The following RALGPS2 variants were observed in gnomAD, a reference collection of about 807,000 sequenced individuals.
RALGPS2 encodes the protein Ral GEF with PH domain and SH3 binding motif 2.
A neutral mutation model predicts 86.8 loss-of-function variants in RALGPS2; 43 were observed. That is an observed-to-expected ratio of 0.50 (90% CI 0.39 to 0.64). RALGPS2 has a LOEUF of 0.64. RALGPS2 is among the 30% of genes least tolerant of loss of function. RALGPS2 has a pLI of 0.00. For missense variants in RALGPS2, 536 were observed against 694.6 expected, an observed-to-expected ratio of 0.77 and a Z score of 2.57; for synonymous variants, 243 against 231.3, an observed-to-expected ratio of 1.05 and a Z score of -0.46.
At chr1:178,888,344 C>G (rs1659578193) in intron 13 of RALGPS2, among the ~76,000 whole-genome samples, 1 of 152,096 alleles carries the variant, frequency 6.6e-6, no homozygotes, top group Non-Finnish European at 1.5e-5. Flanking sequence ...GTTTTTCCCT[C>G]AGCTTTAACT....
chr1:178,747,045 G>A (rs1398098014), intron 1 of RALGPS2: 3 of 877,026 alleles, frequency 3.4e-6, no homozygotes, highest in Non-Finnish European at 3.9e-6. Context: ...CCATGTATGA[G>A]AATCTCAGTT....
At chr1:178,811,912 T>C (rs1655004205) in intron 6 of RALGPS2, among the ~76,000 whole-genome samples, 1 of 152,084 alleles carries the variant, frequency 6.6e-6, no homozygotes, top group African/African-American at 2.4e-5. Context: ...TCAAAGGTAG[T>C]TGGAAATTAG....
intron 17 of RALGPS2, among the ~76,000 whole-genome samples, chr1:178,900,372 C>T (rs547805306): frequency 6.6e-6 from 1 of 152,032 alleles, no homozygotes; most frequent in Admixed American, 6.6e-5. Context: ...AAGGGAGACA[C>T]TTTCCTGCCA....
At chr1:178,897,622 A>C in intron 16 of RALGPS2, 42 bp from the exon 17 acceptor site, 3 of 1,492,334 alleles carry the variant, frequency 2.0e-6, no homozygotes, top group Non-Finnish European at 2.8e-6. Flanking sequence ...CTAAGAAGCC[A>C]GGAGCATTGT....
rs113805878 is a variant in RALGPS2, at chr1:178,731,662, C to T, written c.-84+6243C>T. On this transcript the variant is annotated intron_variant, in intron 1 of 19. Transcript: ENST00000367635. ...ATCCTTCATATGTGACCTGGCCCTA[C>T]GATCTTTTGTCTTCAGTATATCTGC... Among the ~76,000 whole-genome samples, 930 of 152,140 alleles carry T rather than the reference C, an allele frequency of 6.1e-3. 8 individuals carry two copies. Among genetic ancestry groups the T allele is most frequent in the African/African-American group, 0.014 (577 of 41,510 alleles).
chr1:178,899,555 A>G (rs779963684), intron 17 of RALGPS2, among the ~76,000 whole-genome samples: 1 of 151,794 alleles, frequency 6.6e-6, no homozygotes, highest in Non-Finnish European at 1.5e-5. Context: ...TATCTGCTAT[A>G]TGTAAGCAAC....
rs3753534 is a variant in RALGPS2 at position 178,889,624 on chromosome 1, G to A, written c.1193-18G>A. 0.41 allele frequency: 635,184 copies of A among 1,559,274 alleles called. 134,762 individuals carry two copies. The highest frequency in any genetic ancestry group is 0.66 in the African/African-American group (48,244 of 73,216). ...GGTAATTCTGATGTTTAAAAAATAG[G>A]ATAACTTTTCATTTTAGGTAGCAGC... On this transcript the variant is annotated intron_variant, in intron 13 of 19. Transcript: ENST00000367635.
intron 7 of RALGPS2, among the ~76,000 whole-genome samples, chr1:178,823,489 T>C (rs754410864): frequency 6.6e-6 from 1 of 152,224 alleles, no homozygotes; most frequent in Non-Finnish European, 1.5e-5. Context: ...TACTGTGTTA[T>C]GTAACATGGT....
intron 8 of RALGPS2, among the ~76,000 whole-genome samples, chr1:178,835,565 G>C (rs914411996): frequency 6.6e-6 from 1 of 151,794 alleles, no homozygotes; most frequent in Non-Finnish European, 1.5e-5. Context: ...GCTAATTTTT[G>C]TATTTTTAGT....
chr1:178,770,302 G>A (rs1268583383), intron 1 of RALGPS2, among the ~76,000 whole-genome samples: 2 of 151,768 alleles, frequency 1.3e-5, no homozygotes, highest in African/African-American at 4.8e-5. Context: ...GGAATTACAG[G>A]CTTGAGCCAC....
intron 6 of RALGPS2, among the ~76,000 whole-genome samples, chr1:178,817,598 C>G (rs1300946118): frequency 3.9e-5 from 6 of 152,040 alleles, no homozygotes; most frequent in African/African-American, 1.4e-4. Context: ...CTTGGCTATG[C>G]TATCTCCATT....
At chr1:178,892,329 G>T (rs769827615) in intron 15 of RALGPS2, 22 bp downstream of exon 15, 2 of 1,603,792 alleles carry the variant, frequency 1.2e-6, no homozygotes. Context: ...CTGCATTCAG[G>T]GGTCACAGAA....
At chr1:178,836,593 A>T (rs1656283146) in intron 8 of RALGPS2, among the ~76,000 whole-genome samples, 1 of 152,170 alleles carries the variant, frequency 6.6e-6, no homozygotes, top group Non-Finnish European at 1.5e-5. Flanking sequence ...ATGTTTCTCA[A>T]GCCCCATCTT....
chr1:178,744,804 C>G (rs1297085977), intron 1 of RALGPS2, among the ~76,000 whole-genome samples: 1 of 126,888 alleles, frequency 7.9e-6, no homozygotes, highest in African/African-American at 3.2e-5. Context: ...GGCGACAGAG[C>G]GAGACTCCAT....
Position 178,902,044 on chromosome 1 carries a change from G to T in RALGPS2, c.1525-62G>T. On this transcript the variant is annotated intron_variant, in intron 17 of 19. Coordinates refer to ENST00000367635, the MANE Select transcript of RALGPS2 (RefSeq NM_152663.5). The stretch of plus-strand genomic sequence containing the variant: ...AACTGAAAATACACTCCCTAACACT[G>T]AAGTTTTGCTAGAATAAACCATAAA... The T allele has an allele frequency of 9.0e-6, 11 of 1,228,268 alleles. No homozygotes were observed. In the South Asian group the frequency reaches 1.4e-4, roughly 15 times the overall value. The allele number at this position is 1,228,268 out of a possible 1,614,324, so 76.1% of individuals were successfully genotyped here.
chr1:178,731,272 G>GTTTTTTTTTTTTTTGT (rs1650333708), intron 1 of RALGPS2, among the ~76,000 whole-genome samples: 1 of 57,946 alleles, frequency 1.7e-5, no homozygotes, highest in Non-Finnish European at 3.0e-5. Context: ...AGTTGTTTTG[G>GTTTTTTTTTTTTTTGT]TTTTTTTTTT....
intron 17 of RALGPS2, 140 bp from the exon 18 acceptor site, chr1:178,901,966 C>G: frequency 3.2e-6 from 2 of 617,050 alleles, no homozygotes; most frequent in South Asian, 2.1e-5. Context: ...GTAAAAGGCC[C>G]CAGGCTGGCT....
chr1:178,795,316 T>C (rs1432167694), intron 4 of RALGPS2, among the ~76,000 whole-genome samples: 1 of 152,156 alleles, frequency 6.6e-6, no homozygotes, highest in Non-Finnish European at 1.5e-5. Flanking sequence ...ATAACTGGGA[T>C]CACTAGGATT....
intron 1 of RALGPS2, among the ~76,000 whole-genome samples, chr1:178,740,614 A>G (rs565623234): frequency 1.3e-5 from 2 of 152,322 alleles, no homozygotes; most frequent in East Asian, 3.9e-4. Context: ...GGTAACTATA[A>G]AAGAGTAGGG....
Sources: gnomAD v4.1 joint callset for allele counts (sites outside exome capture counted in the v4.1 genomes callset) on GRCh38, gnomAD v4.1.1 for gene constraint, MANE v1.5 for transcripts, NCBI Gene and HGNC (gene_info 2026-07-23, HGNC 2026-07-21) for gene names.